MACO1: variants seen among roughly 807,000 people sequenced by gnomAD.
MACO1 encodes macoilin.
In MACO1, 14 loss-of-function variants were observed where a neutral mutation model predicts 78.7. That is an observed-to-expected ratio of 0.18 (90% CI 0.12 to 0.28). MACO1 has a LOEUF of 0.28. Ranked by LOEUF, MACO1 falls within the 10% of genes least tolerant of loss-of-function variation. MACO1 has a pLI of 1.00. For missense variants in MACO1, 501 were observed against 799.0 expected, an observed-to-expected ratio of 0.63 and a Z score of 4.50; for synonymous variants, 288 against 291.6, an observed-to-expected ratio of 0.99 and a Z score of 0.12.
intron 4 of MACO1, among the ~76,000 whole-genome samples, chr1:25,456,257 CAAA>C (rs1044716470): frequency 3.5e-5 from 3 of 86,366 alleles, no homozygotes; most frequent in Non-Finnish European, 2.5e-5. Context: ...GACTCCATTT[CAAA>C]AAAAAAAAAA....
chr1:25,434,347 TA>T (rs2042901290), intron 1 of MACO1, among the ~76,000 whole-genome samples: 1 of 152,356 alleles, frequency 6.6e-6, no homozygotes, highest in South Asian at 2.1e-4. Context: ...CAGTGTTCAA[TA>T]AATGTTGAGT....
At chr1:25,492,383 A>G (rs74063422) in intron 10 of MACO1, among the ~76,000 whole-genome samples, 9,523 of 152,204 alleles carry the variant, frequency 0.063, 922 homozygotes, top group African/African-American at 0.21. Flanking sequence ...CCTTTTTAAC[A>G]GGGCAATCAT....
chr1:25,448,945 A>G lies in MACO1; in HGVS notation c.349+11A>G, dbSNP rs754788221. 4.9e-6 allele frequency: 7 copies of G among 1,427,968 alleles called. No individual in the cohort carries two copies. The East Asian group carries it at 1.7e-4, about 34-fold the overall frequency. The allele number at this position is 1,427,968 out of a possible 1,614,324, so 88.5% of individuals were successfully genotyped here. On this transcript the variant is annotated intron_variant, in intron 3 of 10. Transcript: ENST00000374343. The stretch of plus-strand genomic sequence containing the variant: ...ACGTATGGCACACAGGTAAGTCTTA[A>G]TGATTTCTTAGATGGATAGAAATCT...
At chr1:25,474,968 T>C (rs2043307101) in intron 6 of MACO1, among the ~76,000 whole-genome samples, 2 of 152,166 alleles carry the variant, frequency 1.3e-5, no homozygotes, top group Non-Finnish European at 2.9e-5. Flanking sequence ...GACAATAAAC[T>C]GCAGCTAGAG....
chr1:25,458,005 TA>T (rs1557664636), intron 5 of MACO1, among the ~76,000 whole-genome samples: 2 of 152,170 alleles, frequency 1.3e-5, no homozygotes, highest in African/African-American at 2.4e-5. Context: ...TCCAGGCACT[TA>T]AAAAAATATG....
Position 25,446,763 on chromosome 1 carries a change from A to G in MACO1, c.82A>G (p.Thr28Ala), listed in dbSNP as rs781242004. The change falls in exon 2 of 11, where the codon ACA (threonine) becomes GCA (alanine). Residue 28 changes from threonine to alanine, a missense_variant and splice_region_variant. Coordinates refer to ENST00000374343, the MANE Select transcript of MACO1 (RefSeq NM_018202.6). The part of the protein sequence containing the change: ...NRITEGIYGS[T>A]FLYLKFLVVW... ...ATTCTTTATTTTTATATTTTGCAGT[A>G]CATTTTTATACCTGAAATTCCTGGT... 6.8e-6 allele frequency: 11 copies of G among 1,608,420 alleles called. No homozygotes were observed. The highest frequency in any genetic ancestry group is 1.1e-5 in the South Asian group (1 of 89,686).
chr1:25,446,807 C>T lies in MACO1; in HGVS notation c.126C>T (p.Leu42=), dbSNP rs778005724. The stretch of plus-strand genomic sequence containing the variant: ...TCCTGGTGGTGTGGGCACTTGTCCT[C>T]CTAGCAGATTTTGTCCTGGAGTTCA... ...LKFLVVWALV[L]LADFVLEFRF... Residue 42 remains leucine, a synonymous_variant, in exon 2 of 11, where the codon CTC becomes CTT. Transcript: ENST00000374343. 4 of 1,613,804 alleles carry T rather than the reference C, an allele frequency of 2.5e-6. No homozygotes were observed. Among genetic ancestry groups the T allele is most frequent in the East Asian group, 4.5e-5 (2 of 44,854 alleles).
At chr1:25,433,266 A>ATT (rs373715355) in intron 1 of MACO1, among the ~76,000 whole-genome samples, 1 of 145,652 alleles carries the variant, frequency 6.9e-6, no homozygotes, top group Non-Finnish European at 1.5e-5. Context: ...GAAGAACAAG[A>ATT]TTTTTTTTTT....
rs149859593 is a variant in MACO1 at position 25,456,469 on chromosome 1, C to A, written c.474-184C>A. The stretch of plus-strand genomic sequence containing the variant: ...TTCCTGGGGGTTTTGTTCTGTGTGC[C>A]AGTTGCTTCTGATTTCCACAGTAGA... On this transcript the variant is annotated intron_variant, in intron 4 of 10. Transcript: ENST00000374343. Among the ~76,000 whole-genome samples the A allele has an allele frequency of 3.5e-4, 54 of 152,242 alleles. 1 individual carries two copies. Among genetic ancestry groups the A allele is most frequent in the Non-Finnish European group, 5.7e-4 (39 of 68,020 alleles).
chr1:25,466,593 G>A (rs963118519), intron 6 of MACO1, among the ~76,000 whole-genome samples: 2 of 152,208 alleles, frequency 1.3e-5, no homozygotes, highest in African/African-American at 2.4e-5. Context: ...GATTACAGGC[G>A]TGAGCCACCT....
At chr1:25,432,229 G>A (rs1290204181) in intron 1 of MACO1, among the ~76,000 whole-genome samples, 1 of 152,224 alleles carries the variant, frequency 6.6e-6, no homozygotes, top group African/African-American at 2.4e-5. Context: ...CAAGAAATAT[G>A]TGAGGTAGCT....
In MACO1 at chr1:25,446,741, C is replaced by T. The variant is rs566153807; in HGVS notation, c.81-21C>T. On this transcript the variant is annotated intron_variant, in intron 1 of 10. Transcript: ENST00000374343. The stretch of plus-strand genomic sequence containing the variant: ...ATTCACAAATGACCTTAAATTAATT[C>T]TTTATTTTTATATTTTGCAGTACAT... The T allele has an allele frequency of 6.1e-5, 96 of 1,575,150 alleles. No individual in the cohort carries two copies. In the Middle Eastern group the frequency reaches 1.0e-3, roughly 17 times the overall value.
At chr1:25,432,837 T>A (rs1192582477) in intron 1 of MACO1, among the ~76,000 whole-genome samples, 1 of 152,220 alleles carries the variant, frequency 6.6e-6, no homozygotes, top group African/African-American at 2.4e-5. Flanking sequence ...GAGAGTCCCA[T>A]ATTGTTTACG....
chr1:25,473,066 T>G (rs1411694007), intron 6 of MACO1, among the ~76,000 whole-genome samples: 2 of 152,220 alleles, frequency 1.3e-5, no homozygotes, highest in African/African-American at 4.8e-5. Context: ...GTTTTCTGTC[T>G]CTGTGGAAAC....
At chr1:25,479,910 A>G (rs944259210) in intron 6 of MACO1, among the ~76,000 whole-genome samples, 3 of 152,186 alleles carry the variant, frequency 2.0e-5, no homozygotes, top group Non-Finnish European at 4.4e-5. Flanking sequence ...TCTCTCACCA[A>G]TATTAAATAT....
intron 3 of MACO1, among the ~76,000 whole-genome samples, chr1:25,450,530 A>G (rs2043056330): frequency 6.6e-6 from 1 of 152,186 alleles, no homozygotes; most frequent in African/African-American, 2.4e-5. Context: ...CCAGAGAGGG[A>G]GCACCAAATA....
Position 25,458,731 on chromosome 1 carries a change from T to C in MACO1, c.993T>C (p.Ser331=). Residue 331 remains serine, a synonymous_variant, in exon 6 of 11, where the codon TCT becomes TCC. Coordinates refer to ENST00000374343, the MANE Select transcript of MACO1 (RefSeq NM_018202.6). Reference sequence around the variant, plus strand: ...AAAATGCCAGTGGAGTTGTGAACTCTTCACCTCGAAGTCATAGCGCCACAA... The same window carrying C: ...AAAATGCCAGTGGAGTTGTGAACTCCTCACCTCGAAGTCATAGCGCCACAA... ...NYKNASGVVN[S]SPRSHSATNG... 6.2e-7 allele frequency: 1 copy of C among 1,614,158 alleles called. No individual in the cohort carries two copies. The highest frequency in any genetic ancestry group is 8.5e-7 in the Non-Finnish European group (1 of 1,180,038).
At position 25,431,536 on chromosome 1, in the gene MACO1, A is replaced by G. The variant is rs1295694850; in HGVS notation, c.80+358A>G. Among the ~76,000 whole-genome samples, 3 of 150,766 alleles carry G rather than the reference A, an allele frequency of 2.0e-5. No homozygotes were observed. The East Asian group carries it at 5.9e-4, about 30-fold the overall frequency. ...CTGGGCCGGGAGGGCCGCTTCCGGG[A>G]CCTCTGACTGGCCGCCGCTGGCCCC... is the stretch of plus-strand genomic sequence containing the variant. On this transcript the variant is annotated intron_variant, in intron 1 of 10. Transcript: ENST00000374343.
chr1:25,481,833 G>T (rs966361898), intron 6 of MACO1, among the ~76,000 whole-genome samples: 2 of 152,192 alleles, frequency 1.3e-5, no homozygotes, highest in African/African-American at 4.8e-5. Flanking sequence ...ACACCCAGCG[G>T]TGCTTTTGGA....
Sources: gnomAD v4.1 joint callset for allele counts (sites outside exome capture counted in the v4.1 genomes callset) on GRCh38, gnomAD v4.1.1 for gene constraint, MANE v1.5 for transcripts, NCBI Gene and HGNC (gene_info 2026-07-23, HGNC 2026-07-21) for gene names.